The following SORCS1 variants were observed in gnomAD, a reference collection of about 807,000 sequenced individuals.
The protein encoded by SORCS1 is sortilin related VPS10 domain containing receptor 1.
Under a neutral mutation model 146.1 loss-of-function variants are expected in SORCS1, and 60 were observed. The observed-to-expected ratio is 0.41, with a 90% CI of 0.33 to 0.51. The LOEUF (loss-of-function observed/expected upper bound fraction) is 0.51. SORCS1 is among the 20% of genes least tolerant of loss of function. SORCS1 has a pLI of 0.21. For synonymous variants in SORCS1, 637 were observed against 584.0 expected (o/e 1.09, Z -1.31); for missense variants, 1,352 against 1,487.6 (o/e 0.91, Z 1.50).
At chr10:106,933,395 G>T (rs186589417) in intron 2 of SORCS1, among the ~76,000 whole-genome samples, 101 of 152,268 alleles carry the variant, frequency 6.6e-4, no homozygotes, top group Admixed American at 3.9e-3. Flanking sequence ...ATGTTCGCAG[G>T]ATTGACAGCC....
chr10:106,683,482 T>C (rs889857586), intron 10 of SORCS1, among the ~76,000 whole-genome samples: 3 of 152,222 alleles, frequency 2.0e-5, no homozygotes, highest in African/African-American at 4.8e-5. Flanking sequence ...GTTCTCCAGC[T>C]GATCCATTAA....
chr10:106,943,117 C>T (rs188040430), intron 2 of SORCS1, among the ~76,000 whole-genome samples: 55 of 152,310 alleles, frequency 3.6e-4, no homozygotes, highest in Non-Finnish European at 7.1e-4. Flanking sequence ...CCCAACCTTC[C>T]CTCCGGCACT....
At chr10:106,937,755 G>C (rs1248650309) in intron 2 of SORCS1, among the ~76,000 whole-genome samples, 1 of 152,056 alleles carries the variant, frequency 6.6e-6, no homozygotes, top group East Asian at 1.9e-4. Context: ...CCTGAGGTCA[G>C]GAGTTTGTGA....
intron 1 of SORCS1, among the ~76,000 whole-genome samples, chr10:107,046,731 A>G (rs1959491299): frequency 6.6e-6 from 1 of 152,336 alleles, no homozygotes; most frequent in South Asian, 2.1e-4. Context: ...TTGGCTTTCT[A>G]AATTTCTGTG....
Position 106,610,730 on chromosome 10 carries a change from C to T in SORCS1, c.3033+1181G>A, listed in dbSNP as rs112083458. Among the ~76,000 whole-genome samples, 327 of 152,290 alleles carry T rather than the reference C, an allele frequency of 2.1e-3. 1 individual carries two copies. Among genetic ancestry groups the T allele is most frequent in the African/African-American group, 6.5e-3 (272 of 41,560 alleles). On this transcript the variant is annotated intron_variant, in intron 22 of 25. Transcript: ENST00000263054. Reference sequence around the variant, plus strand: ...TCACTTCTGATTTTCCGCGTTTGCACAATAAGCTCAAGCTGCCCCATGAGC... The same window carrying T: ...TCACTTCTGATTTTCCGCGTTTGCATAATAAGCTCAAGCTGCCCCATGAGC...
rs762199768 is a variant in SORCS1, at chr10:106,730,003, T to C, written c.1024+47A>G. 7.7e-6 allele frequency: 12 copies of C among 1,567,856 alleles called. No individual in the cohort carries two copies. In the East Asian group the frequency reaches 9.0e-5, roughly 12 times the overall value. The stretch of plus-strand genomic sequence containing the variant: ...ACAGACTCAGTTCATGACAGAGTCA[T>C]AGAACTAATATTACTATGAGTATTG... On this transcript the variant is annotated intron_variant, in intron 6 of 25. Coordinates refer to ENST00000263054, the MANE Select transcript of SORCS1 (RefSeq NM_052918.5).
intron 1 of SORCS1, among the ~76,000 whole-genome samples, chr10:106,997,393 A>T (rs146481670): frequency 6.6e-6 from 1 of 152,174 alleles, no homozygotes; most frequent in African/African-American, 2.4e-5. Flanking sequence ...GCTGCCACAG[A>T]TTCTCTTATT....
intron 18 of SORCS1, among the ~76,000 whole-genome samples, chr10:106,630,957 T>A (rs1038296970): frequency 6.6e-6 from 1 of 152,192 alleles, no homozygotes; most frequent in Non-Finnish European, 1.5e-5. Context: ...CAGTCCATCC[T>A]TTAACAAATT....
chr10:106,730,135 A>G, intron 5 of SORCS1, 21 bp from the exon 6 acceptor site: 2 of 1,613,330 alleles, frequency 1.2e-6, no homozygotes, highest in Non-Finnish European at 1.7e-6. Context: ...GAGAAACATG[A>G]AAAGAAACAT....
chr10:107,107,293 G>A (rs1965374845), intron 1 of SORCS1, among the ~76,000 whole-genome samples: 1 of 152,188 alleles, frequency 6.6e-6, no homozygotes, highest in Non-Finnish European at 1.5e-5. Context: ...ATGTAATCCT[G>A]AAATTAGGAA....
chr10:106,781,818 A>C (rs1288500988), intron 3 of SORCS1, among the ~76,000 whole-genome samples: 1 of 152,190 alleles, frequency 6.6e-6, no homozygotes, highest in Non-Finnish European at 1.5e-5. Flanking sequence ...TGTTAGGGAA[A>C]GTTGAACAGG....
intron 1 of SORCS1, among the ~76,000 whole-genome samples, chr10:107,000,208 T>C (rs1292445628): frequency 6.6e-6 from 1 of 152,234 alleles, no homozygotes; most frequent in African/African-American, 2.4e-5. Context: ...ACCTTCTGTG[T>C]GCAATGCACA....
chr10:107,087,881 G>A (rs1963877266), intron 1 of SORCS1, among the ~76,000 whole-genome samples: 1 of 152,172 alleles, frequency 6.6e-6, no homozygotes, highest in Non-Finnish European at 1.5e-5. Context: ...ATTGCTGTGG[G>A]TTGGGTAATT....
At chr10:107,100,295 CG>C (rs1565041848) in intron 1 of SORCS1, among the ~76,000 whole-genome samples, 1 of 152,076 alleles carries the variant, frequency 6.6e-6, no homozygotes, top group Admixed American at 6.6e-5. Context: ...GGGTGGATCA[CG>C]AGGTCAGGAG....
intron 9 of SORCS1, among the ~76,000 whole-genome samples, chr10:106,696,341 A>C (rs1413624903): frequency 6.6e-6 from 1 of 152,202 alleles, no homozygotes; most frequent in Admixed American, 6.5e-5. Flanking sequence ...TTCATGCTGG[A>C]TGGCTTTCAG....
chr10:106,858,561 T>C (rs1298476550), intron 2 of SORCS1, among the ~76,000 whole-genome samples: 1 of 141,548 alleles, frequency 7.1e-6, no homozygotes, highest in Admixed American at 7.7e-5. Context: ...TGAGCCGAGA[T>C]TGCACCACTG....
intron 1 of SORCS1, among the ~76,000 whole-genome samples, chr10:107,020,890 GTC>G (rs1958096434): frequency 6.6e-6 from 1 of 151,812 alleles, no homozygotes; most frequent in South Asian, 2.1e-4. Context: ...CACTTTTCCT[GTC>G]TCTATATACA....
rs181496531 is a variant in SORCS1, at chr10:106,817,782, G to A, written c.726+11792C>T. On this transcript the variant is annotated intron_variant, in intron 3 of 25. Transcript: ENST00000263054. ...CTCTGCAGACAGGGCCCTGTGTTATGCATGTTTGTATCTCTACTGCCTGGC... is the reference window on the plus strand; with the variant it reads ...CTCTGCAGACAGGGCCCTGTGTTATACATGTTTGTATCTCTACTGCCTGGC... 1.4e-3 allele frequency among the ~76,000 whole-genome samples: 213 copies of A among 152,248 alleles called. 3 individuals are homozygous for A. Among genetic ancestry groups the A allele is most frequent in the Non-Finnish European group, 3.1e-4 (21 of 68,020 alleles).
intron 5 of SORCS1, among the ~76,000 whole-genome samples, chr10:106,748,776 C>G (rs1446695361): frequency 6.6e-6 from 1 of 152,118 alleles, no homozygotes; most frequent in Admixed American, 6.5e-5. Context: ...CAATCCTTTC[C>G]TTTTGTCTTC....
Sources: gnomAD v4.1 joint callset for allele counts (sites outside exome capture counted in the v4.1 genomes callset) on GRCh38, gnomAD v4.1.1 for gene constraint, MANE v1.5 for transcripts, NCBI Gene and HGNC (gene_info 2026-07-23, HGNC 2026-07-21) for gene names.